Variants in ATP8B3 observed in about 807,000 individuals in gnomAD.
The protein encoded by ATP8B3 is ATPase phospholipid transporting 8B3.
In ATP8B3, 141 loss-of-function variants were observed where a neutral mutation model predicts 140.9. The ratio of observed to expected loss-of-function variants is 1.00; its 90% confidence interval spans 0.87 to 1.15. ATP8B3 has a LOEUF of 1.15. Ranked by LOEUF, ATP8B3 falls within the 50% of genes most tolerant of loss-of-function variation. The pLI, the probability that ATP8B3 is intolerant of heterozygous loss-of-function variation, is 0.00. For synonymous variants in ATP8B3, 765 were observed against 714.6 expected (o/e 1.07, Z -1.13); for missense variants, 1,874 against 1,740.6 (o/e 1.08, Z -1.36).
chr19:1,782,363 TC>T lies in ATP8B3; in HGVS notation c.*664del. 2 of 269,818 alleles carry T rather than the reference TC, an allele frequency of 7.4e-6. No individual in the cohort carries two copies. Among genetic ancestry groups the T allele is most frequent in the Non-Finnish European group, 6.9e-6 (1 of 144,150 alleles). 16.7% of individuals were successfully genotyped at this position (269,818 alleles called of 1,614,324 possible). A position where few individuals can be genotyped will look rare whatever the true frequency, so the allele number is the denominator to read the frequency against. ...CTCTGGGGGCAAGGATAGCTGCTCCTCCCCGGGCACCAGCAGCCACTCCATG... is the reference window on the plus strand; with the variant it reads ...CTCTGGGGGCAAGGATAGCTGCTCCTCCCGGGCACCAGCAGCCACTCCATG... On this transcript the variant is annotated 3_prime_UTR_variant, in exon 29 of 29. Coordinates refer to ENST00000310127, the MANE Select transcript of ATP8B3 (RefSeq NM_138813.4).
chr19:1,798,554 C>T (rs1276750477), intron 14 of ATP8B3, among the ~76,000 whole-genome samples: 4 of 151,348 alleles, frequency 2.6e-5, no homozygotes, highest in African/African-American at 7.3e-5. Context: ...CTGGCTAACA[C>T]GGTGAAACCC....
At chr19:1,790,917 T>A (rs1325723799) in intron 20 of ATP8B3, 85 bp from the exon 21 acceptor site, 6 of 1,113,210 alleles carry the variant, frequency 5.4e-6, no homozygotes, top group Non-Finnish European at 7.4e-6. Context: ...CGGTGAATCC[T>A]GGCCCGACCA....
chr19:1,790,682 G>A, intron 21 of ATP8B3, 75 bp downstream of exon 21: 3 of 1,213,582 alleles, frequency 2.5e-6, no homozygotes, highest in South Asian at 1.5e-5. Context: ...CCCGTCCAGT[G>A]AGACACGCAC....
rs1600424659 is a variant in ATP8B3, at chr19:1,794,086, G to A, written c.2055+1789C>T. ...CCTGTCGCCCAGGCTGGAGTGCAGT[G>A]GTGCGATCACAGCTTGCTGTAGCCT... On this transcript the variant is annotated intron_variant, in intron 18 of 28. Coordinates refer to ENST00000310127, the MANE Select transcript of ATP8B3 (RefSeq NM_138813.4). This position sits in a 1 kb window ranked among gnomAD's most constrained non-coding sequence, Gnocchi z 4.8. Among the ~76,000 whole-genome samples the A allele has an allele frequency of 6.6e-6, 1 of 152,090 alleles. No individual in the cohort carries two copies. The highest frequency in any genetic ancestry group is 6.5e-5 in the Admixed American group (1 of 15,272).
At position 1,787,114 on chromosome 19, in the gene ATP8B3, G is replaced by A. The variant is rs779551471; in HGVS notation, c.3142C>T (p.Leu1048Phe). 2 of 1,605,530 alleles carry A rather than the reference G, an allele frequency of 1.2e-6. No homozygotes were observed. The highest frequency in any genetic ancestry group is 8.5e-7 in the Non-Finnish European group (1 of 1,175,742). ...YSTLPVLYIG[L>F]FEQDVSAEQS... ...CTTGCCCTGCTCACCTGCTCAAAGA[G>A]CCCAATGTAGAGAACTGGCAGGGTG... The change falls in exon 25 of 29, where the codon CTC becomes TTC. Residue 1048 changes from leucine to phenylalanine, a missense_variant. Coordinates refer to ENST00000310127, the MANE Select transcript of ATP8B3 (RefSeq NM_138813.4).
At position 1,783,234 on chromosome 19, in the gene ATP8B3, A is replaced by G. The variant is rs1165812512; in HGVS notation, c.3697T>C (p.Phe1233Leu). ...KVEEGPSEEI[F>L]TMEPLPHVHR... is the part of the protein sequence containing the mutation. ...ACATGAGGCAAGGGCTCCATGGTGA[A>G]AATCTCCTCGCTGGGGCCCTCCTCC... The change falls in exon 29 of 29, where the codon TTC becomes CTC. Residue 1233 changes from phenylalanine (F) to leucine (L), a missense_variant. Transcript: ENST00000310127. 6.2e-7 allele frequency: 1 copy of G among 1,611,274 alleles called. No individual in the cohort carries two copies. Among genetic ancestry groups the G allele is most frequent in the Admixed American group, 1.7e-5 (1 of 59,620 alleles).
chr19:1,792,302 G>A (rs540039258), intron 18 of ATP8B3, among the ~76,000 whole-genome samples, 167 bp from the exon 19 acceptor site: 5 of 152,296 alleles, frequency 3.3e-5, no homozygotes, highest in East Asian at 1.9e-4. Flanking sequence ...GTCTGAGGCC[G>A]GGTACGGTGG....
At position 1,785,454 on chromosome 19, in the gene ATP8B3, G is replaced by A. The variant is rs531832570; in HGVS notation, c.3393+15C>T. The A allele has an allele frequency of 4.0e-4, 647 of 1,611,438 alleles. 10 individuals are homozygous for A. The South Asian group carries it at 6.5e-3, about 16-fold the overall frequency. ...GCCATGTCCAAGGCCCCGGGGAGGT[G>A]AGGACCTTGCCCACCTCCATGGTGA... On this transcript the variant is annotated intron_variant, in intron 26 of 28. Coordinates refer to ENST00000310127, the MANE Select transcript of ATP8B3 (RefSeq NM_138813.4).
intron 28 of ATP8B3, among the ~76,000 whole-genome samples, chr19:1,783,813 T>C (rs2068226315): frequency 6.6e-6 from 1 of 152,022 alleles, no homozygotes; most frequent in Non-Finnish European, 1.5e-5. Flanking sequence ...CCATGCATGC[T>C]TTGGTTACGT....
rs2069059291 is a variant in ATP8B3, at chr19:1,807,391, G to T, written c.517-125C>A. ...ACATCTGCTGGCCACCTTGACCGGG[G>T]TCCAGCCATCTCCTGCAACCCCCAG... is the stretch of plus-strand genomic sequence containing the variant. On this transcript the variant is annotated intron_variant, in intron 5 of 28. Transcript: ENST00000310127. The surrounding 1 kb of genome is among the most constrained non-coding windows in gnomAD (Gnocchi z 5.9). The T allele has an allele frequency of 1.3e-6, 1 of 744,182 alleles. No individual in the cohort carries two copies. Among genetic ancestry groups the T allele is most frequent in the Non-Finnish European group, 2.2e-6 (1 of 445,148 alleles). 46.1% of individuals were successfully genotyped at this position (744,182 alleles called of 1,614,324 possible).
chr19:1,806,507 G>T lies in ATP8B3; in HGVS notation c.677+121C>A, dbSNP rs985400549. On this transcript the variant is annotated intron_variant, in intron 7 of 28. Transcript: ENST00000310127. This position sits in a 1 kb window ranked among gnomAD's most constrained non-coding sequence, Gnocchi z 5.6. Reference sequence around the variant, plus strand: ...ATGAATGCAGGCCCGGTTCCTGTCGGACTCAACCAGCCGGGAGATCAGGGA... The same window carrying T: ...ATGAATGCAGGCCCGGTTCCTGTCGTACTCAACCAGCCGGGAGATCAGGGA... 8.7e-6 allele frequency: 13 copies of T among 1,500,892 alleles called. No individual in the cohort carries two copies. The highest frequency in any genetic ancestry group is 1.3e-5 in the South Asian group (1 of 76,140). The allele number at this position is 1,500,892 out of a possible 1,614,324, so 93.0% of individuals were successfully genotyped here.
chr19:1,798,368 T>C (rs929397855), intron 14 of ATP8B3, among the ~76,000 whole-genome samples: 1 of 152,006 alleles, frequency 6.6e-6, no homozygotes, highest in Non-Finnish European at 1.5e-5. Context: ...ACATCATCAA[T>C]TTTTGTACGG....
intron 4 of ATP8B3, among the ~76,000 whole-genome samples, chr19:1,809,233 A>G (rs2069116488): frequency 2.0e-5 from 3 of 151,846 alleles, no homozygotes; most frequent in Non-Finnish European, 2.9e-5. Flanking sequence ...CTGTAATCCC[A>G]GCACTTTGGG....
At chr19:1,802,420 T>TTCCCCCCCCCCC in intron 11 of ATP8B3, 67 bp downstream of exon 11, 1 of 195,010 alleles carries the variant, frequency 5.1e-6, no homozygotes, top group Non-Finnish European at 9.6e-6. Context: ...CACCCACCCA[T>TTCCCCCCCCCCC]CCCCACATCC....
chr19:1,812,156 C>T, intron 1 of ATP8B3, 30 bp downstream of exon 1: 1 of 166,232 alleles, frequency 6.0e-6, no homozygotes, highest in Non-Finnish European at 1.3e-5. Flanking sequence ...CTCCCGGGGA[C>T]GCACAGCAGT....
intron 18 of ATP8B3, 77 bp downstream of exon 18, chr19:1,795,784 TACACACACACACAC>T (rs10526864): frequency 0.046 from 41,243 of 891,464 alleles, 613 homozygotes; most frequent in East Asian, 0.23. Context: ...CTCCTGTCCC[TACACACACACACAC>T]ACACACACAC....
Position 1,806,404 on chromosome 19 carries a change from C to A in ATP8B3, c.677+224G>T, listed in dbSNP as rs548802115. On this transcript the variant is annotated intron_variant, in intron 7 of 28. Transcript: ENST00000310127. The surrounding 1 kb of genome is among the most constrained non-coding windows in gnomAD (Gnocchi z 5.6). ...CCTCTTCAGACTTTCCTTGTCCTCCCCATCGCCCGAGCCCTAAGCTCTGCA... is the reference window on the plus strand; with the variant it reads ...CCTCTTCAGACTTTCCTTGTCCTCCACATCGCCCGAGCCCTAAGCTCTGCA... 4.9e-5 allele frequency: 71 copies of A among 1,444,118 alleles called. No homozygotes were observed. The South Asian group carries it at 9.6e-4, about 19-fold the overall frequency. 89.5% of individuals were successfully genotyped at this position (1,444,118 alleles called of 1,614,324 possible). A position where few individuals can be genotyped will look rare whatever the true frequency, so the allele number is the denominator to read the frequency against.
Position 1,800,104 on chromosome 19 carries a change from C to A in ATP8B3, c.1395G>T (p.Gln465His), listed in dbSNP as rs2068796653. ...GNSVFIDWDV[Q>H]MYYKPQDVPA... Reference sequence around the variant, plus strand: ...GCACGTCCTGCGGCTTGTAGTACATCTGCACGTCCCAGTCGATGAAGACGC... The same window carrying A: ...GCACGTCCTGCGGCTTGTAGTACATATGCACGTCCCAGTCGATGAAGACGC... The change falls in exon 14 of 29, where the codon CAG becomes CAT. Residue 465 changes from glutamine (Q) to histidine (H), a missense_variant. Coordinates refer to ENST00000310127, the MANE Select transcript of ATP8B3 (RefSeq NM_138813.4). This position sits in a 1 kb window ranked among gnomAD's most constrained non-coding sequence, Gnocchi z 4.4. 6.4e-7 allele frequency: 1 copy of A among 1,567,280 alleles called. No individual in the cohort carries two copies. Among genetic ancestry groups the A allele is most frequent in the East Asian group, 2.4e-5 (1 of 42,304 alleles).
At chr19:1,809,512 C>T (rs923410516) in intron 4 of ATP8B3, 131 bp downstream of exon 4, 85 of 794,316 alleles carry the variant, frequency 1.1e-4, no homozygotes, top group Non-Finnish European at 1.4e-4. Context: ...AAAAAGAAAA[C>T]GAAAACCAAA....
Sources: gnomAD v4.1 joint callset for allele counts (sites outside exome capture counted in the v4.1 genomes callset) on GRCh38, gnomAD v4.1.1 for gene constraint, Gnocchi (gnomAD v3.1) non-coding constraint, MANE v1.5 for transcripts, NCBI Gene and HGNC (gene_info 2026-07-23, HGNC 2026-07-21) for gene names.